ST6GALNAC6: variants seen among roughly 807,000 people sequenced by gnomAD.
ST6GALNAC6 encodes ST6 N-acetylgalactosaminide alpha-2,6-sialyltransferase 6, also known as alpha-N-acetylgalactosaminide alpha-2,6-sialyltransferase 6.
A neutral mutation model predicts 34.3 loss-of-function variants in ST6GALNAC6; 19 were observed. The ratio of observed to expected loss-of-function variants is 0.55; its 90% CI spans 0.39 to 0.81. ST6GALNAC6 has a LOEUF of 0.81. ST6GALNAC6 is among the 40% of genes least tolerant of loss of function. The probability of loss-of-function intolerance (pLI) is 0.00; values close to 1 mark genes in which losing one functional copy is unlikely to be tolerated. For missense variants in ST6GALNAC6, 377 were observed against 467.7 expected (o/e 0.81, Z 1.79); for synonymous variants, 185 against 182.1 (o/e 1.02, Z -0.13).
chr9:127,886,249 G>T lies in ST6GALNAC6; in HGVS notation c.*350C>A. 1 of 437,596 alleles carries T rather than the reference G, an allele frequency of 2.3e-6. No individual in the cohort carries two copies. Among genetic ancestry groups the T allele is most frequent in the Middle Eastern group, 5.5e-4 (1 of 1,804 alleles). The allele number at this position is 437,596 out of a possible 1,614,324, so 27.1% of individuals were successfully genotyped here. A position where few individuals can be genotyped will look rare whatever the true frequency, so the allele number is the denominator to read the frequency against. On this transcript the variant is annotated 3_prime_UTR_variant, in exon 7 of 7. Transcript: ENST00000373146. Reference sequence around the variant, plus strand: ...GACCCCATTATCCCAGGAGAGTGGGGAGTGATTGGGGGGTCCATTCCTGGG... The same window carrying T: ...GACCCCATTATCCCAGGAGAGTGGGTAGTGATTGGGGGGTCCATTCCTGGG...
intron 3 of ST6GALNAC6, among the ~76,000 whole-genome samples, chr9:127,895,615 T>C (rs1024805624): frequency 6.6e-6 from 1 of 152,244 alleles, no homozygotes; most frequent in Non-Finnish European, 1.5e-5. Context: ...TTCCAATCCC[T>C]TGTTACTCTA....
Position 127,899,584 on chromosome 9 carries a change from C to T in ST6GALNAC6, c.-111G>A. ...GGAGCCGAGCGCCGGGGTCCGCGCT[C>T]CTCAGGCCGCCCAGGCCTCGCCGCA... is the stretch of plus-strand genomic sequence containing the variant. On this transcript the variant is annotated 5_prime_UTR_variant, in exon 1 of 7. Transcript: ENST00000373146. The T allele has an allele frequency of 1.0e-6, 1 of 981,558 alleles. No individual in the cohort carries two copies. The highest frequency in any genetic ancestry group is 1.2e-6 in the Non-Finnish European group (1 of 828,466). 60.8% of individuals were successfully genotyped at this position (981,558 alleles called of 1,614,324 possible). A position where few individuals can be genotyped will look rare whatever the true frequency, so the allele number is the denominator to read the frequency against.
At chr9:127,895,309 G>A (rs376095100) in intron 3 of ST6GALNAC6, among the ~76,000 whole-genome samples, 10 of 152,236 alleles carry the variant, frequency 6.6e-5, no homozygotes, top group East Asian at 3.9e-4. Flanking sequence ...CAGTGCACAC[G>A]GCCTCTCCAG....
chr9:127,901,706 C>A (rs1305222384), upstream of ST6GALNAC6, among the ~76,000 whole-genome samples: 1 of 152,068 alleles, frequency 6.6e-6, no homozygotes, highest in South Asian at 2.1e-4. Flanking sequence ...CCAAGGCAGG[C>A]GGATCACCTG....
Position 127,899,485 on chromosome 9 carries a change from C to G in ST6GALNAC6, c.-30+18G>C. ...CGCCCCCGCCCCCGCGGCCTGCTCCCGCGCGGCGCCTGCTCACCTCCGGCG... is the reference window on the plus strand; with the variant it reads ...CGCCCCCGCCCCCGCGGCCTGCTCCGGCGCGGCGCCTGCTCACCTCCGGCG... On this transcript the variant is annotated intron_variant, in intron 1 of 6. Coordinates refer to ENST00000373146, the MANE Select transcript of ST6GALNAC6 (RefSeq NM_013443.5). The G allele has an allele frequency of 1.0e-6, 1 of 972,916 alleles. No individual in the cohort carries two copies. The highest frequency in any genetic ancestry group is 1.2e-6 in the Non-Finnish European group (1 of 819,748). 60.3% of individuals were successfully genotyped at this position (972,916 alleles called of 1,614,324 possible).
chr9:127,897,214 G>A (rs1830517805), intron 2 of ST6GALNAC6: 2 of 985,836 alleles, frequency 2.0e-6, no homozygotes, highest in South Asian at 9.4e-5. Context: ...CTGTGAAAGG[G>A]AAAATGTACT....
At position 127,897,512 on chromosome 9, in the gene ST6GALNAC6, G is replaced by C. The variant is rs879446196; in HGVS notation, c.26+444C>G. 5,897 of 878,210 alleles carry C rather than the reference G, an allele frequency of 6.7e-3. 26 individuals carry two copies. The highest frequency in any genetic ancestry group is 7.6e-3 in the Non-Finnish European group (5,584 of 732,530). 54.4% of individuals were successfully genotyped at this position (878,210 alleles called of 1,614,324 possible). On this transcript the variant is annotated intron_variant, in intron 2 of 6. Coordinates refer to ENST00000373146, the MANE Select transcript of ST6GALNAC6 (RefSeq NM_013443.5). ...AACCCCGCCCCCTCCCCGTGGGAGC[G>C]CCCCTCATCCGGAGCTCGGCTTCGG...
Position 127,899,408 on chromosome 9 carries a change from C to T in ST6GALNAC6, c.-30+95G>A, listed in dbSNP as rs868165258. 274 of 695,608 alleles carry T rather than the reference C, an allele frequency of 3.9e-4. No homozygotes were observed. In the Middle Eastern group the frequency reaches 4.4e-3, roughly 11 times the overall value. 43.1% of individuals were successfully genotyped at this position (695,608 alleles called of 1,614,324 possible). A position where few individuals can be genotyped will look rare whatever the true frequency, so the allele number is the denominator to read the frequency against. On this transcript the variant is annotated intron_variant, in intron 1 of 6. Coordinates refer to ENST00000373146, the MANE Select transcript of ST6GALNAC6 (RefSeq NM_013443.5). ...GGGGGACCCGCATCCATCCCCATCCCCGGCGATTAGCAATCTCCTCTCCCG... is the reference window on the plus strand; with the variant it reads ...GGGGGACCCGCATCCATCCCCATCCTCGGCGATTAGCAATCTCCTCTCCCG...
chr9:127,903,504 G>A (rs972298181), upstream of ST6GALNAC6: 1 of 152,164 alleles, frequency 6.6e-6, no homozygotes, highest in East Asian at 1.9e-4. Context: ...ATACCAGTTT[G>A]TTTCCAATTA....
At chr9:127,892,933 T>C (rs1830234780) in intron 4 of ST6GALNAC6, among the ~76,000 whole-genome samples, 1 of 152,164 alleles carries the variant, frequency 6.6e-6, no homozygotes, top group Admixed American at 6.6e-5. Flanking sequence ...TTAAAAACCC[T>C]GGCTTCCAAA....
chr9:127,891,502 A>G (rs942836433), intron 4 of ST6GALNAC6, among the ~76,000 whole-genome samples: 6 of 151,518 alleles, frequency 4.0e-5, no homozygotes, highest in African/African-American at 9.7e-5. Flanking sequence ...CTGTAATCAC[A>G]GCTACTCGGG....
At chr9:127,894,903 C>T (rs747907747) in intron 3 of ST6GALNAC6, among the ~76,000 whole-genome samples, 12 of 152,214 alleles carry the variant, frequency 7.9e-5, no homozygotes, top group Admixed American at 1.3e-4. Flanking sequence ...CCAATTAGAC[C>T]GTGAGCTCTG....
chr9:127,887,884 G>A (rs1445545948), intron 5 of ST6GALNAC6, among the ~76,000 whole-genome samples: 1 of 152,228 alleles, frequency 6.6e-6, no homozygotes, highest in Non-Finnish European at 1.5e-5. Flanking sequence ...TGGGCAGGCT[G>A]AGTGACTATG....
rs764018000 is a variant in ST6GALNAC6 at position 127,896,288 on chromosome 9, C to T, written c.71G>A (p.Arg24Gln). The change falls in exon 3 of 7, where the codon CGA becomes CAA. Residue 24 changes from arginine (R) to glutamine (Q), a missense_variant. Physicochemically the swap from Arg to Gln is conservative, Grantham distance 43. Coordinates refer to ENST00000373146, the MANE Select transcript of ST6GALNAC6 (RefSeq NM_013443.5). ...SLPPGPPAGR[R>Q]HLPLSRRRRE... ...CCGGCGTCTGCTGAGGGGTAGGTGT[C>T]GGCGTCCTGCAGGTGGCCCTGGGGG... 1.3e-5 allele frequency: 21 copies of T among 1,613,908 alleles called. No individual in the cohort carries two copies. The highest frequency in any genetic ancestry group is 6.7e-5 in the Admixed American group (4 of 59,982).
intron 2 of ST6GALNAC6, chr9:127,896,835 C>A (rs1015155370): frequency 3.0e-6 from 3 of 984,102 alleles, no homozygotes; most frequent in Non-Finnish European, 3.6e-6. Context: ...CCTACGTCCT[C>A]CCATCCCCCC....
upstream of ST6GALNAC6, among the ~76,000 whole-genome samples, chr9:127,900,770 G>A (rs1033988581): frequency 1.3e-5 from 2 of 151,228 alleles, no homozygotes; most frequent in East Asian, 3.9e-4. Context: ...TGGTCCACAT[G>A]GTGAAACCCC....
In ST6GALNAC6 at chr9:127,885,555, G is replaced by C. The variant is rs1483992232; in HGVS notation, c.*1044C>G. 1 of 152,322 alleles carries C rather than the reference G, an allele frequency of 6.6e-6. No individual in the cohort carries two copies. Among genetic ancestry groups the C allele is most frequent in the African/African-American group, 2.4e-5 (1 of 41,430 alleles). 9.4% of individuals were successfully genotyped at this position (152,322 alleles called of 1,614,324 possible). ...AATAAAGTGCCTGATACAGAGCCAG[G>C]GGACAGAACCCAGGTGATACAGCTC... On this transcript the variant is annotated 3_prime_UTR_variant, in exon 7 of 7. Transcript: ENST00000373146.
At chr9:127,894,441 TA>T in intron 4 of ST6GALNAC6, 70 bp downstream of exon 4, 2 of 1,552,296 alleles carry the variant, frequency 1.3e-6, no homozygotes, top group Non-Finnish European at 1.7e-6. Context: ...ACCTTTCCTT[TA>T]GGAAAGAACA....
chr9:127,896,921 A>G (rs867910257), intron 2 of ST6GALNAC6: 1 of 985,058 alleles, frequency 1.0e-6, no homozygotes, highest in Non-Finnish European at 1.2e-6. Context: ...AGCCACGGAG[A>G]TTCAGGAATA....
Sources: allele counts gnomAD v4.1 joint callset (sites outside exome capture counted in the v4.1 genomes callset), GRCh38; gene constraint gnomAD v4.1.1; transcripts MANE v1.5; gene names NCBI Gene and HGNC (gene_info 2026-07-23, HGNC 2026-07-21).